The following SRGAP3 variants were observed in gnomAD, a reference collection of about 807,000 sequenced individuals.
SRGAP3 encodes the protein SLIT-ROBO Rho GTPase-activating protein 3.
SRGAP3 carries 39 observed loss-of-function variants against 121.1 expected under a neutral mutation model. That is an observed-to-expected ratio of 0.32 (90% CI 0.25 to 0.42). SRGAP3 has a LOEUF of 0.42. Ranked by LOEUF, SRGAP3 falls within the 10% of genes least tolerant of loss-of-function variation. The pLI is 1.00. For missense variants in SRGAP3, 1,213 were observed against 1,470.6 expected (o/e 0.82, Z 2.86); for synonymous variants, 601 against 570.0 (o/e 1.05, Z -0.77).
chr3:9,097,991 C>T (rs1028542446), intron 3 of SRGAP3, among the ~76,000 whole-genome samples: 3 of 152,136 alleles, frequency 2.0e-5, no homozygotes, highest in Admixed American at 6.5e-5. Flanking sequence ...ACCCCTGCAC[C>T]GAAATACAGT....
intron 1 of SRGAP3, among the ~76,000 whole-genome samples, chr3:9,229,349 A>G (rs1280344908): frequency 1.3e-5 from 2 of 152,202 alleles, no homozygotes; most frequent in Middle Eastern, 3.4e-3. Flanking sequence ...GCTGGTCCCT[A>G]TAGGAAAGGG....
At chr3:9,242,222 G>A (rs529119746) in intron 1 of SRGAP3, among the ~76,000 whole-genome samples, 4 of 152,276 alleles carry the variant, frequency 2.6e-5, no homozygotes, top group Admixed American at 2.0e-4. Flanking sequence ...ACCAGGAACT[G>A]AACTTGCCAA....
intron 13 of SRGAP3, 127 bp from the exon 14 acceptor site, chr3:9,025,465 T>C: frequency 9.3e-7 from 1 of 1,073,480 alleles, no homozygotes; most frequent in Non-Finnish European, 1.4e-6. Flanking sequence ...TATAACAGAG[T>C]CGTTCCCTAT....
intron 1 of SRGAP3, among the ~76,000 whole-genome samples, chr3:9,209,460 G>C (rs1952370930): frequency 6.6e-6 from 1 of 152,158 alleles, no homozygotes; most frequent in African/African-American, 2.4e-5. Context: ...GACTATGAGA[G>C]ATTTTTCACT....
chr3:9,260,491 G>C (rs547790689), intron 3 of SRGAP3, among the ~76,000 whole-genome samples: 2 of 152,332 alleles, frequency 1.3e-5, no homozygotes, highest in East Asian at 1.9e-4. Context: ...AAGGAGGCTT[G>C]AGTAGGTTGT....
At chr3:8,990,204 A>C (rs1677523633) in intron 21 of SRGAP3, among the ~76,000 whole-genome samples, 1 of 152,252 alleles carries the variant, frequency 6.6e-6, no homozygotes, top group Admixed American at 6.5e-5. Flanking sequence ...AATGAGTCAA[A>C]AACTGAATCG....
intron 18 of SRGAP3, among the ~76,000 whole-genome samples, chr3:9,010,076 G>A (rs1261908566): frequency 6.6e-6 from 1 of 152,216 alleles, no homozygotes; most frequent in African/African-American, 2.4e-5. Context: ...GCTAGGTGTG[G>A]GGTGTCGTGA....
At chr3:8,987,674 T>C (rs1334026639) in intron 21 of SRGAP3, among the ~76,000 whole-genome samples, 2 of 123,112 alleles carry the variant, frequency 1.6e-5, no homozygotes, top group Admixed American at 1.5e-4. Context: ...GGCTAATGGC[T>C]AATATTAGCT....
chr3:9,015,524 A>C, intron 15 of SRGAP3, 73 bp downstream of exon 15: 2 of 1,594,498 alleles, frequency 1.3e-6, no homozygotes, highest in Non-Finnish European at 1.7e-6. Flanking sequence ...TGCCTAGCAC[A>C]GCAGTAAGCC....
At chr3:8,996,495 T>C (rs1942408359) in intron 18 of SRGAP3, among the ~76,000 whole-genome samples, 1 of 152,216 alleles carries the variant, frequency 6.6e-6, no homozygotes, top group African/African-American at 2.4e-5. Context: ...TCAAGTCAGC[T>C]TCCCCAGCTA....
chr3:9,308,597 G>A lies in SRGAP3; in HGVS notation n.442+17413C>T, dbSNP rs1955194955. Among the ~76,000 whole-genome samples, 2 of 152,296 alleles carry A rather than the reference G, an allele frequency of 1.3e-5. 1 individual carries two copies. The highest frequency in any genetic ancestry group is 4.1e-4 in the South Asian group (2 of 4,824). Reference sequence around the variant, plus strand: ...TGGTAATTCCAAAATGTGTATATAGGTGGAACTTACAGGCAGCAGTCTAGT... The same window carrying A: ...TGGTAATTCCAAAATGTGTATATAGATGGAACTTACAGGCAGCAGTCTAGT... On this transcript the variant is annotated intron_variant and non_coding_transcript_variant, in intron 3 of 3. Coordinates refer to the SRGAP3 transcript ENST00000490889.
chr3:9,046,597 C>A (rs2125138071), intron 10 of SRGAP3, among the ~76,000 whole-genome samples: 1 of 152,308 alleles, frequency 6.6e-6, no homozygotes, highest in East Asian at 1.9e-4. Flanking sequence ...TTGTCAGGTC[C>A]CTCGAGGGCC....
intron 3 of SRGAP3, among the ~76,000 whole-genome samples, chr3:9,267,490 T>C (rs2648508): frequency 0.63 from 95,055 of 151,886 alleles, 31,029 homozygotes; most frequent in Non-Finnish European, 0.73. Flanking sequence ...GTTCTGGATG[T>C]TGTGGGTGCA....
intron 1 of SRGAP3, among the ~76,000 whole-genome samples, chr3:9,230,671 G>C (rs1443701827): frequency 6.6e-6 from 1 of 152,086 alleles, no homozygotes; most frequent in African/African-American, 2.4e-5. Context: ...AGGAGTTTAA[G>C]ATAGCCTGGG....
chr3:9,347,896 TGGAG>T (rs1457654263), intron 1 of SRGAP3, among the ~76,000 whole-genome samples: 7 of 152,206 alleles, frequency 4.6e-5, no homozygotes, highest in African/African-American at 1.7e-4. Flanking sequence ...CATTCCCGTA[TGGAG>T]GAAGAGAAGA....
chr3:8,985,866 T>G lies in SRGAP3; in HGVS notation c.2953A>C (p.Lys985Gln), dbSNP rs779069550. The change falls in exon 22 of 22, where the codon AAG becomes CAG. Residue 985 changes from lysine (K) to glutamine (Q), a missense_variant. Lys to Gln is a moderately conservative substitution (Grantham distance 53). Coordinates refer to ENST00000383836, the MANE Select transcript of SRGAP3 (RefSeq NM_014850.4). This position sits in a 1 kb window ranked among gnomAD's most constrained non-coding sequence, Gnocchi z 5.1. Reference protein sequence around the residue: ...LRELERQNTVKQAPDVVLDTL... With the variant: ...LRELERQNTVQQAPDVVLDTL... ...TCCAGCACCACATCTGGCGCCTGCT[T>G]GACCGTGTTCTGCCTCTCGAGTTCC... The G allele has an allele frequency of 1.3e-5, 21 of 1,600,148 alleles. No individual in the cohort carries two copies. Among genetic ancestry groups the G allele is most frequent in the Non-Finnish European group, 1.8e-5 (21 of 1,179,924 alleles).
chr3:8,991,481 G>A (rs1011816756), intron 20 of SRGAP3, among the ~76,000 whole-genome samples: 1 of 152,186 alleles, frequency 6.6e-6, no homozygotes, highest in Non-Finnish European at 1.5e-5. Flanking sequence ...GGAGGCTCTG[G>A]TGTGGTGAAA....
chr3:9,258,796 A>C (rs1476343249), intron 3 of SRGAP3, among the ~76,000 whole-genome samples: 1 of 152,090 alleles, frequency 6.6e-6, no homozygotes, highest in African/African-American at 2.4e-5. Flanking sequence ...CAAGGCCTCA[A>C]TTTCTCCCAC....
chr3:9,010,660 A>G (rs976068497), intron 17 of SRGAP3, among the ~76,000 whole-genome samples: 1 of 152,164 alleles, frequency 6.6e-6, no homozygotes, highest in East Asian at 1.9e-4. Flanking sequence ...AAGTCTGTCA[A>G]TGCTTACGTG....
Sources: gnomAD v4.1 joint callset for allele counts (sites outside exome capture counted in the v4.1 genomes callset) on GRCh38, gnomAD v4.1.1 for gene constraint, Gnocchi (gnomAD v3.1) non-coding constraint, MANE v1.5 for transcripts, NCBI Gene and HGNC (gene_info 2026-07-23, HGNC 2026-07-21) for gene names.